NBAS: variants seen among roughly 807,000 people sequenced by gnomAD.
The protein encoded by NBAS is NAG/BC035112 fusion.
In NBAS, 219 loss-of-function variants were observed where a neutral mutation model predicts 302.5. The observed-to-expected ratio is 0.72, with a 90% confidence interval of 0.65 to 0.81. NBAS has a LOEUF of 0.81. NBAS is among the 30% of genes least tolerant of loss of function. The probability of loss-of-function intolerance (pLI) is 0.00; values close to 1 mark genes in which losing one functional copy is unlikely to be tolerated. For missense variants in NBAS, 2,932 were observed against 2,841.6 expected, an observed-to-expected ratio of 1.03 and a Z score of -0.72; for synonymous variants, 1,118 against 1,021.6, an observed-to-expected ratio of 1.09 and a Z score of -1.80.
the NBAS span, among the ~76,000 whole-genome samples, chr2:15,051,274 C>A: frequency 6.6e-6 from 1 of 152,186 alleles, no homozygotes; most frequent in Non-Finnish European, 1.5e-5. Flanking sequence ...ATAACAGCCG[C>A]AGAGCCAGTA....
the NBAS span, among the ~76,000 whole-genome samples, chr2:14,916,099 G>A: frequency 4.6e-5 from 7 of 150,556 alleles, no homozygotes; most frequent in East Asian, 1.9e-4. Flanking sequence ...TTTTTTTTTC[G>A]TCTTTAAAAT....
intron 44 of NBAS, among the ~76,000 whole-genome samples, chr2:15,260,022 G>A (rs1330130245): frequency 6.6e-6 from 1 of 152,156 alleles, no homozygotes; most frequent in Non-Finnish European, 1.5e-5. Context: ...TCTGACAGCT[G>A]TAGATGTGTT....
chr2:15,410,254 G>A (rs1413264667), intron 25 of NBAS, among the ~76,000 whole-genome samples: 1 of 152,132 alleles, frequency 6.6e-6, no homozygotes, highest in Admixed American at 6.5e-5. Flanking sequence ...AGTATACCAA[G>A]TAATAACATG....
At chr2:15,283,842 T>C (rs991617134) in intron 42 of NBAS, among the ~76,000 whole-genome samples, 2 of 152,146 alleles carry the variant, frequency 1.3e-5, no homozygotes, top group Admixed American at 1.3e-4. Flanking sequence ...CAGATTTGGA[T>C]CTTGAAAGTT....
At chr2:15,146,777 C>A in the NBAS span, among the ~76,000 whole-genome samples, 2 of 152,100 alleles carry the variant, frequency 1.3e-5, no homozygotes, top group African/African-American at 4.8e-5. Context: ...GCAGGGAGCC[C>A]CACATGGCAG....
In NBAS at chr2:15,330,625, C is replaced by G; in HGVS notation, c.4320G>C (p.Lys1440Asn). 6.2e-7 allele frequency: 1 copy of G among 1,613,980 alleles called. No homozygotes were observed. The highest frequency in any genetic ancestry group is 1.7e-5 in the Admixed American group (1 of 59,986). Residue 1440 changes from lysine (K) to asparagine (N), a missense_variant, in exon 36 of 52, where the codon AAG (lysine) becomes AAC (asparagine). Transcript: ENST00000281513. Reference sequence around the variant, plus strand: ...GAAGGGGTCGAAGGTAAGTTAAAGACTTCTTCCACCACTGCCCATCACTGA... The same window carrying G: ...GAAGGGGTCGAAGGTAAGTTAAAGAGTTCTTCCACCACTGCCCATCACTGA... ...QAVSDGQWWK[K>N]SLTYLRPLQG...
chr2:14,849,183 A>C, the NBAS span, among the ~76,000 whole-genome samples: 1 of 144,494 alleles, frequency 6.9e-6, no homozygotes, highest in Non-Finnish European at 1.5e-5. Flanking sequence ...TTTGAAAAAA[A>C]TTTAGAAGAA....
At chr2:15,449,709 C>A (rs1370931974) in intron 21 of NBAS, among the ~76,000 whole-genome samples, 1 of 152,162 alleles carries the variant, frequency 6.6e-6, no homozygotes, top group African/African-American at 2.4e-5. Flanking sequence ...CTGTTCCCAG[C>A]CAATAGAGGC....
chr2:15,405,741 A>C (rs1237092454), intron 25 of NBAS, among the ~76,000 whole-genome samples: 3 of 152,238 alleles, frequency 2.0e-5, no homozygotes, highest in African/African-American at 7.2e-5. Flanking sequence ...GTGAAGTAGC[A>C]GAATACAAAA....
Position 15,475,889 on chromosome 2 carries a change from C to G in NBAS, c.1148-9G>C, listed in dbSNP as rs1990755. ...GTAAAAGGACTCTTTATCTAAGAAG[C>G]GAAAAACAAATCAATACAAATGCAT... On this transcript the variant is annotated splice_polypyrimidine_tract_variant and intron_variant, in intron 13 of 51. Coordinates refer to ENST00000281513, the MANE Select transcript of NBAS (RefSeq NM_015909.4). 0.64 allele frequency: 1,029,042 copies of G among 1,601,220 alleles called. 338,113 individuals are homozygous for G. Among genetic ancestry groups the G allele is most frequent in the Non-Finnish European group, 0.68 (792,982 of 1,170,134 alleles).
chr2:14,894,915 G>T, the NBAS span, among the ~76,000 whole-genome samples: 3 of 152,074 alleles, frequency 2.0e-5, no homozygotes, highest in African/African-American at 7.2e-5. Flanking sequence ...AAAATTAGTT[G>T]GGCGTGGTGA....
the NBAS span, among the ~76,000 whole-genome samples, chr2:15,130,574 G>T: frequency 6.6e-6 from 1 of 152,228 alleles, no homozygotes; most frequent in Non-Finnish European, 1.5e-5. Flanking sequence ...GAACACAGGA[G>T]AATATGAGCG....
chr2:15,098,439 G>GTATATAATATGTTATATATTA, the NBAS span, among the ~76,000 whole-genome samples: 96 of 38,716 alleles, frequency 2.5e-3, 1 homozygote, highest in Non-Finnish European at 3.9e-3. Flanking sequence ...ATTATATATT[G>GTATATAATATGTTATATATTA]TATATTGTAT....
the NBAS span, among the ~76,000 whole-genome samples, chr2:15,057,675 T>C: frequency 6.6e-6 from 1 of 152,184 alleles, no homozygotes; most frequent in African/African-American, 2.4e-5. Flanking sequence ...GAACATACAA[T>C]GTTTGGTTTT....
intron 21 of NBAS, among the ~76,000 whole-genome samples, chr2:15,438,099 A>G (rs946059220): frequency 6.6e-6 from 1 of 152,222 alleles, no homozygotes; most frequent in Admixed American, 6.5e-5. Flanking sequence ...TGTTGTTCGC[A>G]GTAATGAAAA....
chr2:15,395,599 C>A lies in NBAS; in HGVS notation c.3134+814G>T, dbSNP rs139745255. Among the ~76,000 whole-genome samples the A allele has an allele frequency of 5.3e-5, 8 of 152,098 alleles. No homozygotes were observed. The East Asian group carries it at 1.4e-3, about 26-fold the overall frequency. ...CAAAAACATTCTGTTCCCTTAAAGG[C>A]AACTTGAAATATTTTTACACTAAAG... On this transcript the variant is annotated intron_variant, in intron 27 of 51. Transcript: ENST00000281513.
chr2:14,903,857 GGGA>G, the NBAS span, among the ~76,000 whole-genome samples: 1 of 151,978 alleles, frequency 6.6e-6, no homozygotes, highest in Non-Finnish European at 1.5e-5. Flanking sequence ...CACACCTGAT[GGGA>G]TGTTAGACAC....
intron 47 of NBAS, 67 bp downstream of exon 47, chr2:15,232,355 C>G (rs893021274): frequency 6.8e-7 from 1 of 1,468,796 alleles, no homozygotes; most frequent in African/African-American, 1.4e-5. Flanking sequence ...CATACGGATA[C>G]TAAGAGCAAT....
chr2:14,846,984 G>A, the NBAS span, among the ~76,000 whole-genome samples: 19 of 152,120 alleles, frequency 1.2e-4, no homozygotes, highest in Admixed American at 2.0e-4. Context: ...AACATTGAAT[G>A]TAAATGGACC....
Sources: gnomAD v4.1 joint callset for allele counts (sites outside exome capture counted in the v4.1 genomes callset) on GRCh38, gnomAD v4.1.1 for gene constraint, MANE v1.5 for transcripts, NCBI Gene and HGNC (gene_info 2026-07-23, HGNC 2026-07-21) for gene names.